Variants in PAX8 observed in about 807,000 individuals in gnomAD.
The protein encoded by PAX8 is paired box 8, also known as paired box protein Pax-8.
PAX8 carries 15 observed loss-of-function variants against 52.4 expected under a neutral mutation model. The observed-to-expected ratio is 0.29, with a 90% confidence interval of 0.19 to 0.44. PAX8 has a LOEUF of 0.44. PAX8 is among the 20% of genes least tolerant of loss of function. The pLI is 1.00. For synonymous variants in PAX8, 284 were observed against 249.7 expected (o/e 1.14, Z -1.29); for missense variants, 554 against 602.5 (o/e 0.92, Z 0.84).
Position 113,235,571 on chromosome 2 carries a change from G to T in PAX8, c.910C>A (p.Pro304Thr). ...TYPVVADPHS[P>T]FAIKQETPEV... ...GGGGTTTCCTGCTTTATGGCGAAGG[G>T]TGAGTGAGGATCTGCCGGAGGGAGG... is the stretch of plus-strand genomic sequence containing the variant. Residue 304 changes from proline (P) to threonine (T), a missense_variant, in exon 9 of 12, where the codon CCC becomes ACC. Pro to Thr is a conservative substitution (Grantham distance 38). Around this residue, in one of 2 missense-constraint regions of PAX8, gnomAD observed 445 missense variants for 409.9 expected, o/e 1.09. Transcript: ENST00000429538. 6.2e-7 allele frequency: 1 copy of T among 1,611,396 alleles called. No individual in the cohort carries two copies. The highest frequency in any genetic ancestry group is 8.5e-7 in the Non-Finnish European group (1 of 1,178,048).
intron 9 of PAX8, among the ~76,000 whole-genome samples, chr2:113,234,225 C>T (rs749744805): frequency 1.8e-4 from 27 of 152,260 alleles, no homozygotes; most frequent in Non-Finnish European, 3.4e-4. Context: ...ATATGGGTCT[C>T]TGCTTCCCAC....
At chr2:113,254,137 A>T (rs1230904994) in intron 2 of PAX8, among the ~76,000 whole-genome samples, 2 of 152,096 alleles carry the variant, frequency 1.3e-5, no homozygotes. Flanking sequence ...TATTTACCTA[A>T]CCAATACCTT....
intron 10 of PAX8, among the ~76,000 whole-genome samples, chr2:113,223,813 GAATCTGACTT>G (rs1689392432): frequency 6.6e-6 from 1 of 152,214 alleles, no homozygotes; most frequent in African/African-American, 2.4e-5. Context: ...AGGAATAAAG[GAATCTGACTT>G]ATTCACTGCT....
rs1326160806 is a variant in PAX8, at chr2:113,230,794, C to T, written c.1088-3538G>A. On this transcript the variant is annotated intron_variant, in intron 9 of 11. Coordinates refer to ENST00000429538, the MANE Select transcript of PAX8 (RefSeq NM_003466.4). ...AAGCTGTGGGGTGGAAACTCCATCA[C>T]GGCCTAACCATGCCCTCTTACCTAC... 3.3e-5 allele frequency among the ~76,000 whole-genome samples: 5 copies of T among 152,370 alleles called. No individual in the cohort carries two copies. In the South Asian group the frequency reaches 6.2e-4, roughly 19 times the overall value.
Position 113,251,548 on chromosome 2 carries a change from G to A in PAX8, c.26-4629C>T, listed in dbSNP as rs117176101. 5.5e-4 allele frequency among the ~76,000 whole-genome samples: 84 copies of A among 152,304 alleles called. 1 individual carries two copies. The East Asian group carries it at 0.012, about 22-fold the overall frequency. The stretch of plus-strand genomic sequence containing the variant: ...AGTGAAAGGTACTCAGACGGGAAAT[G>A]CAAGCTTTCCTGGGGTCAGAGAGGA... On this transcript the variant is annotated intron_variant, in intron 2 of 11. Coordinates refer to ENST00000429538, the MANE Select transcript of PAX8 (RefSeq NM_003466.4).
chr2:113,278,399 G>C lies in PAX8; in HGVS notation c.-5C>G, dbSNP rs775405306. On this transcript the variant is annotated 5_prime_UTR_variant, in exon 2 of 12. Coordinates refer to ENST00000429538, the MANE Select transcript of PAX8 (RefSeq NM_003466.4). ...TCTGATGGAGTTGTGAGGCATCGCC[G>C]GGGAGTCGCTCGCAGCCCGCCGAGG... The C allele has an allele frequency of 6.2e-7, 1 of 1,610,494 alleles. No individual in the cohort carries two copies. The highest frequency in any genetic ancestry group is 8.5e-7 in the Non-Finnish European group (1 of 1,178,472).
Position 113,236,624 on chromosome 2 carries a change from T to G in PAX8, c.875A>C (p.His292Pro). ...NTPLGRNLST[H>P]QTYPVVADPH... Reference sequence around the variant, plus strand: ...ACCTGCCACCACGGGGTAGGTCTGGTGAGTCGAGAGGTTGCGCCCCAGTGG... The same window carrying G: ...ACCTGCCACCACGGGGTAGGTCTGGGGAGTCGAGAGGTTGCGCCCCAGTGG... Residue 292 changes from histidine to proline, a missense_variant, in exon 8 of 12, where the codon CAC (histidine) becomes CCC (proline). Coordinates refer to ENST00000429538, the MANE Select transcript of PAX8 (RefSeq NM_003466.4). The G allele has an allele frequency of 3.1e-6, 5 of 1,589,260 alleles. No individual in the cohort carries two copies. Among genetic ancestry groups the G allele is most frequent in the Non-Finnish European group, 4.3e-6 (5 of 1,168,562 alleles).
chr2:113,260,695 C>T (rs1402159243), intron 2 of PAX8, among the ~76,000 whole-genome samples: 1 of 152,112 alleles, frequency 6.6e-6, no homozygotes, highest in Non-Finnish European at 1.5e-5. Context: ...AGATGCCTCC[C>T]TCACCCGGAC....
chr2:113,224,846 TAAAATAAAATAAAATAAA>T (rs1689471984), intron 10 of PAX8, among the ~76,000 whole-genome samples: 2 of 15,796 alleles, frequency 1.3e-4, no homozygotes, highest in South Asian at 0.024. Flanking sequence ...AAATATAAAA[TAAAATAAAATAAAATAAA>T]ATAAAATAAA....
chr2:113,258,719 T>C (rs1692443234), intron 2 of PAX8, among the ~76,000 whole-genome samples: 1 of 152,232 alleles, frequency 6.6e-6, no homozygotes, highest in African/African-American at 2.4e-5. Context: ...TTTCCCTTTC[T>C]ATTGCTCCAG....
chr2:113,236,551 C>T (rs761793239), intron 8 of PAX8, 50 bp downstream of exon 8: 1 of 1,535,954 alleles, frequency 6.5e-7, no homozygotes, highest in Non-Finnish European at 8.8e-7. Context: ...GCCAGCCAAG[C>T]TCTTCAGTCC....
chr2:113,230,102 C>T (rs1689799885), intron 9 of PAX8, among the ~76,000 whole-genome samples: 1 of 152,174 alleles, frequency 6.6e-6, no homozygotes, highest in South Asian at 2.1e-4. Context: ...TGGTAGGGAC[C>T]TCCTGGCACC....
chr2:113,244,166 A>G (rs1361522011), intron 4 of PAX8, among the ~76,000 whole-genome samples: 1 of 152,170 alleles, frequency 6.6e-6, no homozygotes, highest in East Asian at 1.9e-4. Flanking sequence ...ATGAAAGCAG[A>G]TGTGGTGTTT....
intron 5 of PAX8, 26 bp downstream of exon 5, chr2:113,242,664 G>A (rs768505952): frequency 2.0e-6 from 3 of 1,506,220 alleles, no homozygotes; most frequent in South Asian, 2.2e-5. Flanking sequence ...GAGCATGTGT[G>A]TGTATCCAGG....
intron 10 of PAX8, among the ~76,000 whole-genome samples, chr2:113,224,743 T>C (rs1039978554): frequency 6.6e-6 from 1 of 150,894 alleles, no homozygotes; most frequent in Admixed American, 6.6e-5. Flanking sequence ...CTGCTGGTTC[T>C]GCTCTAGAAC....
chr2:113,252,337 C>T (rs1335687648), intron 2 of PAX8, among the ~76,000 whole-genome samples: 1 of 152,192 alleles, frequency 6.6e-6, no homozygotes, highest in Admixed American at 6.5e-5. Context: ...GTGTTGTTGC[C>T]TTCCCCAGCT....
At chr2:113,231,935 T>G (rs1689921783) in intron 9 of PAX8, among the ~76,000 whole-genome samples, 1 of 151,998 alleles carries the variant, frequency 6.6e-6, no homozygotes, top group African/African-American at 2.4e-5. Flanking sequence ...TCCATGTTGG[T>G]CAGGCTGGTC....
chr2:113,262,357 G>T (rs1692748883), intron 2 of PAX8, among the ~76,000 whole-genome samples: 1 of 152,124 alleles, frequency 6.6e-6, no homozygotes, highest in South Asian at 2.1e-4. Context: ...CTCTTTGGGG[G>T]ATTCTGGCTT....
At chr2:113,253,075 G>A (rs1691911474) in intron 2 of PAX8, among the ~76,000 whole-genome samples, 1 of 152,216 alleles carries the variant, frequency 6.6e-6, no homozygotes, top group Non-Finnish European at 1.5e-5. Flanking sequence ...TGAGTGGTTG[G>A]AGGGTGCCAT....
Sources: gnomAD v4.1 joint callset for allele counts (sites outside exome capture counted in the v4.1 genomes callset) on GRCh38, gnomAD v4.1.1 for gene constraint, gnomAD v4.1.1 regional missense constraint, MANE v1.5 for transcripts, NCBI Gene and HGNC (gene_info 2026-07-23, HGNC 2026-07-21) for gene names.